Variants in CDH13 observed in about 807,000 individuals in gnomAD.
CDH13 encodes the protein cadherin-13.
Under a neutral mutation model 63.8 loss-of-function variants are expected in CDH13, and 24 were observed. That is an observed-to-expected ratio of 0.38 (90% confidence interval 0.27 to 0.53). The LOEUF is 0.53. CDH13 is among the 20% of genes least tolerant of loss of function. CDH13 has a pLI of 0.85. For missense variants in CDH13, 1,049 were observed against 903.1 expected (o/e 1.16, Z -2.07); for synonymous variants, 503 against 355.3 (o/e 1.42, Z -4.67).
intron 2 of CDH13, among the ~76,000 whole-genome samples, chr16:83,017,468 T>C (rs529075374): frequency 2.2e-4 from 33 of 152,208 alleles, no homozygotes; most frequent in Non-Finnish European, 3.8e-4. Flanking sequence ...CTGGATTCTA[T>C]ATTAGTTGTA....
chr16:83,331,904 A>G (rs2090488628), intron 5 of CDH13, among the ~76,000 whole-genome samples: 1 of 152,118 alleles, frequency 6.6e-6, no homozygotes. Context: ...CAATATTGTA[A>G]TGAGTATACA....
chr16:83,488,521 G>A (rs188915152), intron 7 of CDH13, among the ~76,000 whole-genome samples: 9 of 152,208 alleles, frequency 5.9e-5, no homozygotes, highest in Admixed American at 3.9e-4. Context: ...AAATGTAATC[G>A]TTTCTAGTTA....
chr16:83,354,671 GA>G (rs1182380734), intron 6 of CDH13, among the ~76,000 whole-genome samples: 1 of 152,224 alleles, frequency 6.6e-6, no homozygotes, highest in Non-Finnish European at 1.5e-5. Flanking sequence ...AAGGCATGGA[GA>G]AAGGATGTTC....
At chr16:82,739,721 G>A (rs2033846862) in intron 1 of CDH13, among the ~76,000 whole-genome samples, 1 of 152,130 alleles carries the variant, frequency 6.6e-6, no homozygotes, top group Non-Finnish European at 1.5e-5. Context: ...ATGACACTCA[G>A]ACTTTGTCAA....
At position 82,831,836 on chromosome 16, in the gene CDH13, C is replaced by T. The variant is rs1046670224; in HGVS notation, c.46-26526C>T. Among the ~76,000 whole-genome samples the T allele has an allele frequency of 1.4e-4, 22 of 152,128 alleles. 1 individual carries two copies. The highest frequency in any genetic ancestry group is 4.8e-4 in the African/African-American group (20 of 41,414). On this transcript the variant is annotated intron_variant, in intron 1 of 13. Transcript: ENST00000567109. The stretch of plus-strand genomic sequence containing the variant: ...ATGACATCTAAGGGCAAAACAGACC[C>T]AAGACTTTGTGGAATGACTTTCCAG...
Position 82,846,647 on chromosome 16 carries a change from T to A in CDH13, c.46-11715T>A, listed in dbSNP as rs1010194874. Among the ~76,000 whole-genome samples the A allele has an allele frequency of 5.3e-5, 8 of 152,254 alleles. No individual in the cohort carries two copies. The East Asian group carries it at 5.8e-4, about 11-fold the overall frequency. ...GAGCTACTTTTTAACTGATTCTCAA[T>A]GTATAGTCACATAGGTTGTAGTTTA... On this transcript the variant is annotated intron_variant, in intron 1 of 13. Coordinates refer to ENST00000567109, the MANE Select transcript of CDH13 (RefSeq NM_001257.5).
At chr16:83,784,631 CAAA>C (rs575073144) in intron 13 of CDH13, among the ~76,000 whole-genome samples, 5 of 101,198 alleles carry the variant, frequency 4.9e-5, no homozygotes, top group Admixed American at 2.0e-4. Flanking sequence ...GGCTCTGTCT[CAAA>C]AAAAAAAAAA....
intron 3 of CDH13, among the ~76,000 whole-genome samples, chr16:83,063,467 AC>A (rs1447957614): frequency 6.6e-6 from 1 of 152,196 alleles, no homozygotes; most frequent in Non-Finnish European, 1.5e-5. Flanking sequence ...CCATTTTCAA[AC>A]CACCCCGCAG....
chr16:83,724,323 G>A (rs1000655456), intron 10 of CDH13, among the ~76,000 whole-genome samples: 1 of 151,440 alleles, frequency 6.6e-6, no homozygotes, highest in African/African-American at 2.4e-5. Flanking sequence ...TGAATGAATG[G>A]ATGAGTGTGG....
At chr16:82,991,757 A>T (rs898477123) in intron 2 of CDH13, among the ~76,000 whole-genome samples, 1 of 152,254 alleles carries the variant, frequency 6.6e-6, no homozygotes, top group African/African-American at 2.4e-5. Flanking sequence ...GATTGTGTCT[A>T]TAAACTGAGA....
chr16:83,111,002 CAAAAAAAA>C lies in CDH13; in HGVS notation c.367-14370_367-14363del, dbSNP rs398030036. Among the ~76,000 whole-genome samples, 4 of 106,274 alleles carry C rather than the reference CAAAAAAAA, an allele frequency of 3.8e-5. No homozygotes were observed. The East Asian group carries it at 9.7e-4, about 26-fold the overall frequency. 69.7% of individuals were successfully genotyped at this position (106,274 alleles called of 152,430 possible). A position where few individuals can be genotyped will look rare whatever the true frequency, so the allele number is the denominator to read the frequency against. Reference sequence around the variant, plus strand: ...CCTAAATGTATGTATTAGGTTGTTGCAAAAAAAAAAAAAAAAAAAATTAGCCGGGCGTG... The same window carrying C: ...CCTAAATGTATGTATTAGGTTGTTGCAAAAAAAAAAAATTAGCCGGGCGTG... On this transcript the variant is annotated intron_variant, in intron 3 of 13. Coordinates refer to ENST00000567109, the MANE Select transcript of CDH13 (RefSeq NM_001257.5).
chr16:82,729,249 A>G (rs2033268293), intron 1 of CDH13, among the ~76,000 whole-genome samples: 1 of 152,194 alleles, frequency 6.6e-6, no homozygotes, highest in Admixed American at 6.5e-5. Context: ...AATCCTTTTC[A>G]GAAGGTTTTC....
At position 83,722,770 on chromosome 16, in the gene CDH13, T is replaced by TGG. The variant is rs552777482; in HGVS notation, c.1539-25332_1539-25331dup. ...GTGCTGAGCTATTTGGAAACCAGGC[T>TGG]GGGGGGGTGGATTTCAATGTCATCT... On this transcript the variant is annotated intron_variant, in intron 10 of 13. Transcript: ENST00000567109. 2.1e-3 allele frequency among the ~76,000 whole-genome samples: 324 copies of TGG among 152,222 alleles called. 2 individuals are homozygous for TGG. The highest frequency in any genetic ancestry group is 7.3e-3 in the African/African-American group (304 of 41,532).
chr16:83,305,088 G>A (rs550141368), intron 5 of CDH13, among the ~76,000 whole-genome samples: 1 of 152,298 alleles, frequency 6.6e-6, no homozygotes, highest in Non-Finnish European at 1.5e-5. Flanking sequence ...AGAGTTCTAA[G>A]GGGCTGTCCT....
intron 13 of CDH13, among the ~76,000 whole-genome samples, chr16:83,793,517 T>G (rs779569222): frequency 2.2e-4 from 33 of 152,154 alleles, no homozygotes; most frequent in Non-Finnish European, 3.2e-4. Flanking sequence ...TGAGTGACGT[T>G]CTCAAAGTCT....
intron 7 of CDH13, among the ~76,000 whole-genome samples, chr16:83,567,846 C>T (rs1187269485): frequency 9.9e-5 from 15 of 152,252 alleles, no homozygotes; most frequent in African/African-American, 3.1e-4. Context: ...CCACCTGCCT[C>T]GGCCTCCCAA....
At chr16:83,514,938 C>T (rs546764077) in intron 7 of CDH13, among the ~76,000 whole-genome samples, 1 of 152,162 alleles carries the variant, frequency 6.6e-6, no homozygotes, top group Non-Finnish European at 1.5e-5. Flanking sequence ...GTAGTTACTG[C>T]AGCTCCTGGA....
chr16:83,393,844 A>T (rs1246304673), intron 6 of CDH13, among the ~76,000 whole-genome samples: 1 of 152,198 alleles, frequency 6.6e-6, no homozygotes, highest in East Asian at 1.9e-4. Flanking sequence ...CACAGTAAAC[A>T]TAGAATACAT....
chr16:83,329,216 G>A (rs1235234386), intron 5 of CDH13, among the ~76,000 whole-genome samples: 2 of 151,948 alleles, frequency 1.3e-5, no homozygotes, highest in Non-Finnish European at 2.9e-5. Flanking sequence ...AAATTAAAGG[G>A]TTTCTTGTTT....
Sources: gnomAD v4.1 joint callset for allele counts (sites outside exome capture counted in the v4.1 genomes callset) on GRCh38, gnomAD v4.1.1 for gene constraint, MANE v1.5 for transcripts, NCBI Gene and HGNC (gene_info 2026-07-23, HGNC 2026-07-21) for gene names.